The following DOCK11 variants were observed in gnomAD, a reference collection of about 807,000 sequenced individuals.
DOCK11 encodes dedicator of cytokinesis protein 11.
Under a neutral mutation model 169.1 loss-of-function variants are expected in DOCK11, and 70 were observed. The observed-to-expected ratio is 0.41, with a 90% CI of 0.34 to 0.51. The LOEUF is 0.51. Among genes scored for constraint, DOCK11 ranks in the 20% least tolerant of loss-of-function variants. The pLI is 0.10. For missense variants in DOCK11, 1,166 were observed against 1,538.8 expected (o/e 0.76, Z 4.05); for synonymous variants, 529 against 541.3 (o/e 0.98, Z 0.32).
intron 1 of DOCK11, among the ~76,000 whole-genome samples, chrX:118,539,448 T>A (rs1284678267): frequency 1.8e-5 from 2 of 110,573 alleles, no homozygotes; most frequent in Non-Finnish European, 3.8e-5. Context: ...GTGGGGGAGA[T>A]GGTAGTCAAT....
intron 47 of DOCK11, among the ~76,000 whole-genome samples, 189 bp downstream of exon 47, chrX:118,676,238 GT>G (rs919995066): frequency 8.9e-6 from 1 of 111,749 alleles, no homozygotes; most frequent in African/African-American, 3.2e-5. Flanking sequence ...AACAGAAAAG[GT>G]TTTGATTTCT....
intron 32 of DOCK11, among the ~76,000 whole-genome samples, 173 bp downstream of exon 32, chrX:118,624,828 A>G (rs2015061947): frequency 1.0e-5 from 1 of 98,136 alleles, no homozygotes; most frequent in Non-Finnish European, 2.0e-5. Flanking sequence ...GCACAATCAT[A>G]GTTCACTGTA....
At chrX:118,607,112 CT>C (rs776058680) in intron 24 of DOCK11, among the ~76,000 whole-genome samples, 3,790 of 62,891 alleles carry the variant, frequency 0.06, 24 homozygotes, top group Non-Finnish European at 0.074. Context: ...TCCTTTCCTT[CT>C]TTTTTTTTTT....
chrX:118,559,087 A>G (rs2012820187), intron 6 of DOCK11, among the ~76,000 whole-genome samples: 1 of 112,026 alleles, frequency 8.9e-6, no homozygotes, highest in Admixed American at 9.5e-5. Context: ...ATTTAGATAT[A>G]ATTGCAATGT....
chrX:118,645,885 TAAAAAAA>T (rs1255554011), intron 40 of DOCK11, among the ~76,000 whole-genome samples: 4 of 74,788 alleles, frequency 5.3e-5, no homozygotes, highest in African/African-American at 2.0e-4. Context: ...TGTCTCTAGT[TAAAAAAA>T]AAAAAAAAAA....
intron 12 of DOCK11, 43 bp from the exon 13 acceptor site, chrX:118,578,482 C>A: frequency 8.4e-7 from 1 of 1,192,315 alleles, no homozygotes; most frequent in Non-Finnish European, 1.1e-6. Flanking sequence ...ACCATATGCA[C>A]AAGATTACAT....
chrX:118,505,281 C>T (rs2057603851), intron 1 of DOCK11, among the ~76,000 whole-genome samples: 1 of 112,356 alleles, frequency 8.9e-6, no homozygotes, highest in Admixed American at 9.4e-5. Context: ...CCTGCCTCGG[C>T]CTCCCAAAGT....
chrX:118,512,895 C>T lies in DOCK11; in HGVS notation c.102+16822C>T, dbSNP rs187974091. 1.9e-3 allele frequency among the ~76,000 whole-genome samples: 210 copies of T among 112,024 alleles called. 2 individuals are homozygous for T. Among genetic ancestry groups the T allele is most frequent in the African/African-American group, 6.2e-3 (190 of 30,844 alleles). On this transcript the variant is annotated intron_variant, in intron 1 of 52. Coordinates refer to ENST00000276202, the MANE Select transcript of DOCK11 (RefSeq NM_144658.4). Reference sequence around the variant, plus strand: ...CTTGTGACCTTCTCTGAGAGCAGCCCCCACTGGGACTGGCTTCTTCTTACT... The same window carrying T: ...CTTGTGACCTTCTCTGAGAGCAGCCTCCACTGGGACTGGCTTCTTCTTACT...
intron 44 of DOCK11, among the ~76,000 whole-genome samples, chrX:118,660,839 C>T: frequency 9.0e-6 from 1 of 110,814 alleles, no homozygotes; most frequent in East Asian, 2.8e-4. Flanking sequence ...AAGTAAATAT[C>T]ACTTTCATTC....
intron 1 of DOCK11, among the ~76,000 whole-genome samples, chrX:118,532,625 C>G (rs1322573126): frequency 9.2e-6 from 1 of 109,249 alleles, no homozygotes; most frequent in Non-Finnish European, 1.9e-5. Context: ...CTAAAAAATA[C>G]AAAAAATTAG....
chrX:118,632,870 A>G (rs1159291652), intron 35 of DOCK11: 1 of 107,001 alleles, frequency 9.3e-6, no homozygotes, highest in African/African-American at 3.4e-5. Context: ...AATAAGAGTC[A>G]GGAGTTACCA....
chrX:118,650,817 ACTGT>A (rs1234902896), intron 41 of DOCK11, among the ~76,000 whole-genome samples: 1 of 111,972 alleles, frequency 8.9e-6, no homozygotes, highest in East Asian at 2.8e-4. Flanking sequence ...GACTTAGAAC[ACTGT>A]CTGGCACATA....
chrX:118,668,195 T>C (rs1037920445), intron 45 of DOCK11, among the ~76,000 whole-genome samples: 1 of 111,938 alleles, frequency 8.9e-6, no homozygotes. Flanking sequence ...TTGTTCTCAA[T>C]CTTAGGAGAA....
chrX:118,530,260 G>C (rs1340977079), intron 1 of DOCK11, among the ~76,000 whole-genome samples: 1 of 112,930 alleles, frequency 8.9e-6, no homozygotes, highest in Non-Finnish European at 1.9e-5. Context: ...ACTCTAATGA[G>C]TAGTTTTCCA....
intron 1 of DOCK11, among the ~76,000 whole-genome samples, chrX:118,517,226 T>A (rs752516197): frequency 1.8e-5 from 2 of 108,551 alleles, no homozygotes; most frequent in African/African-American, 3.4e-5. Flanking sequence ...TTAAAAAAAA[T>A]AATAAAATTA....
intron 7 of DOCK11, among the ~76,000 whole-genome samples, chrX:118,563,114 T>C (rs2012964128): frequency 8.9e-6 from 1 of 111,737 alleles, no homozygotes; most frequent in African/African-American, 3.3e-5. Context: ...ACAGAAGTCA[T>C]TATTACAGAG....
At chrX:118,617,227 A>G (rs1272720336) in intron 30 of DOCK11, among the ~76,000 whole-genome samples, 2 of 111,583 alleles carry the variant, frequency 1.8e-5, no homozygotes, top group Non-Finnish European at 3.8e-5. Context: ...CGCGATGGCT[A>G]ACGTCTGTAA....
At chrX:118,647,536 ATATATTATATATGT>A (rs2015722889) in intron 40 of DOCK11, among the ~76,000 whole-genome samples, 1 of 72,416 alleles carries the variant, frequency 1.4e-5, no homozygotes, top group Non-Finnish European at 2.5e-5. Context: ...ATATAATATT[ATATATTATATATGT>A]TATTATATAT....
chrX:118,681,804 T>C lies in DOCK11; in HGVS notation c.5963+10T>C. The C allele has an allele frequency of 8.5e-7, 1 of 1,172,206 alleles. No homozygotes were observed. The highest frequency in any genetic ancestry group is 1.1e-6 in the Non-Finnish European group (1 of 869,757). On this transcript the variant is annotated intron_variant, in intron 51 of 52. Transcript: ENST00000276202. ...TGAAAGACATGTTTAGGTAAGTGTT[T>C]TATAGTTTTCAGGTTAGACCCGTGT...
Sources: allele counts gnomAD v4.1 joint callset (sites outside exome capture counted in the v4.1 genomes callset), GRCh38; gene constraint gnomAD v4.1.1; transcripts MANE v1.5; gene names NCBI Gene and HGNC (gene_info 2026-07-23, HGNC 2026-07-21).